Variants in EML6 observed in about 807,000 individuals in gnomAD.
EML6 encodes EMAP like 6.
In EML6, 154 loss-of-function variants were observed where a neutral mutation model predicts 240.1. The ratio of observed to expected loss-of-function variants is 0.64; its 90% CI spans 0.56 to 0.73. The LOEUF (loss-of-function observed/expected upper bound fraction) is 0.73, where lower values mean the gene tolerates loss of function less well. EML6 is among the 30% of genes least tolerant of loss of function. The probability of loss-of-function intolerance (pLI) is 0.00; values close to 1 mark genes in which losing one functional copy is unlikely to be tolerated. For missense variants in EML6, 2,964 were observed against 2,474.6 expected (o/e 1.20, Z -4.20); for synonymous variants, 1,148 against 899.0 (o/e 1.28, Z -4.95).
chr2:54,962,632 T>C lies in EML6; in HGVS notation c.5078T>C (p.Leu1693Pro). 1 of 1,545,636 alleles carries C rather than the reference T, an allele frequency of 6.5e-7. No homozygotes were observed. The highest frequency in any genetic ancestry group is 8.7e-7 in the Non-Finnish European group (1 of 1,144,348). Reference protein sequence around the residue: ...DGHMEGEIWGLATHPSKDLFI... With the variant: ...DGHMEGEIWGPATHPSKDLFI... ...CACATGGAAGGGGAGATCTGGGGCC[T>C]GGCCACTCACCCTTCCAAGGACCTC... Residue 1693 changes from leucine to proline, a missense_variant, in exon 36 of 42, where the codon CTG becomes CCG. Transcript: ENST00000356458.
chr2:54,968,598 C>A, intron 40 of EML6, 70 bp from the exon 41 acceptor site: 1 of 890,918 alleles, frequency 1.1e-6, no homozygotes, highest in South Asian at 1.5e-5. Context: ...GATTTGAGTG[C>A]TGGAAGTAGT....
intron 26 of EML6, among the ~76,000 whole-genome samples, chr2:54,923,641 T>C (rs1475591442): frequency 1.3e-5 from 2 of 152,224 alleles, no homozygotes; most frequent in Non-Finnish European, 1.5e-5. Flanking sequence ...ATTTTTTAAG[T>C]AAAATTTATA....
At chr2:54,797,787 T>C (rs1313422850) in intron 2 of EML6, among the ~76,000 whole-genome samples, 1 of 152,208 alleles carries the variant, frequency 6.6e-6, no homozygotes, top group East Asian at 1.9e-4. Context: ...CTCTACCACT[T>C]ATCAGCCATG....
At chr2:54,948,741 G>A in intron 28 of EML6, 141 bp from the exon 29 acceptor site, 1 of 655,562 alleles carries the variant, frequency 1.5e-6, no homozygotes, top group Non-Finnish European at 2.7e-6. Flanking sequence ...GAGGAGGGCA[G>A]GACTGAACAG....
At chr2:54,906,198 GTTTAT>G (rs1467452405) in intron 24 of EML6, among the ~76,000 whole-genome samples, 3 of 152,162 alleles carry the variant, frequency 2.0e-5, no homozygotes, top group African/African-American at 7.2e-5. Flanking sequence ...TATTTTATGT[GTTTAT>G]TTTGATAATA....
chr2:54,827,079 A>G (rs1396378534), intron 5 of EML6, among the ~76,000 whole-genome samples: 1 of 152,202 alleles, frequency 6.6e-6, no homozygotes, highest in Non-Finnish European at 1.5e-5. Context: ...AGGCTGATAC[A>G]CAAGAATCAC....
rs138971481 is a variant in EML6, at chr2:54,769,167, G to C, written c.197+43909G>C. Among the ~76,000 whole-genome samples the C allele has an allele frequency of 1.8e-4, 27 of 152,314 alleles. No individual in the cohort carries two copies. The East Asian group carries it at 5.0e-3, about 28-fold the overall frequency. On this transcript the variant is annotated intron_variant, in intron 2 of 41. Transcript: ENST00000356458. ...GGCAAAGATTTATATGAGCCAGTCT[G>C]GCTGCAGTGTGCACCTGGTGGGTTG...
chr2:54,905,320 C>T (rs532102155), intron 24 of EML6, among the ~76,000 whole-genome samples: 7 of 89,348 alleles, frequency 7.8e-5, no homozygotes, highest in South Asian at 4.5e-4. Flanking sequence ...ATTTAGAATC[C>T]GACACACACA....
chr2:54,931,253 G>A (rs1469906218), intron 28 of EML6, among the ~76,000 whole-genome samples: 2 of 151,912 alleles, frequency 1.3e-5, no homozygotes, highest in South Asian at 2.1e-4. Context: ...CACCGCGCCC[G>A]GCGACCGTAG....
At chr2:54,766,455 C>T (rs164941) in intron 2 of EML6, among the ~76,000 whole-genome samples, 141,172 of 152,232 alleles carry the variant, frequency 0.93, 65,632 homozygotes, top group East Asian at 1. Context: ...TGTTTTCTTA[C>T]AATTTTGTTT....
At chr2:54,888,474 A>C (rs1267241913) in intron 17 of EML6, among the ~76,000 whole-genome samples, 1 of 152,204 alleles carries the variant, frequency 6.6e-6, no homozygotes, top group Non-Finnish European at 1.5e-5. Flanking sequence ...GGAGAGTTTC[A>C]CTGCCCTAAA....
intron 14 of EML6, chr2:54,868,117 A>C (rs1230177598): frequency 6.6e-6 from 1 of 152,230 alleles, no homozygotes; most frequent in Non-Finnish European, 1.5e-5. Flanking sequence ...TATTGATTAC[A>C]TGTTGATATA....
Position 54,866,761 on chromosome 2 carries a change from T to A in EML6, c.1933-5T>A. On this transcript the variant is annotated splice_region_variant and splice_polypyrimidine_tract_variant and intron_variant, in intron 13 of 41. Coordinates refer to ENST00000356458, the MANE Select transcript of EML6 (RefSeq NM_001039753.4). ...CTCACCCAGATGTTTCTGTTGTACT[T>A]TAAGGTTTACAAAGAAGATCTACCT... 1.3e-6 allele frequency: 2 copies of A among 1,533,164 alleles called. No individual in the cohort carries two copies. The highest frequency in any genetic ancestry group is 1.8e-6 in the Non-Finnish European group (2 of 1,130,676). 95.0% of individuals were successfully genotyped at this position (1,533,164 alleles called of 1,614,324 possible).
chr2:54,928,676 T>G lies in EML6; in HGVS notation c.3929T>G (p.Ile1310Ser). The G allele has an allele frequency of 4.5e-6, 7 of 1,551,922 alleles. No individual in the cohort carries two copies. The highest frequency in any genetic ancestry group is 4.4e-6 in the Non-Finnish European group (5 of 1,147,050). ...AAGGCCATTGACTACACCACCAAGA[T>G]TTATGCTGTGAGCATCAGGGAAATG... ...REKAIDYTTKIYAVSIREMEG... is the reference protein window; with the variant it reads ...REKAIDYTTKSYAVSIREMEG... Residue 1310 changes from isoleucine to serine, a missense_variant, in exon 28 of 42, where the codon ATT (isoleucine) becomes AGT (serine). Physicochemically the swap from Ile to Ser is moderately radical, Grantham distance 142. Coordinates refer to ENST00000356458, the MANE Select transcript of EML6 (RefSeq NM_001039753.4).
At chr2:54,848,990 T>C (rs1669922982) in intron 9 of EML6, among the ~76,000 whole-genome samples, 2 of 152,202 alleles carry the variant, frequency 1.3e-5, no homozygotes, top group Admixed American at 6.5e-5. Flanking sequence ...AAAAAGATGA[T>C]TTATTTATGT....
intron 2 of EML6, among the ~76,000 whole-genome samples, chr2:54,777,670 T>G (rs1234566726): frequency 6.6e-6 from 1 of 152,108 alleles, no homozygotes; most frequent in Non-Finnish European, 1.5e-5. Flanking sequence ...ACTGGAATCT[T>G]TTTCTCACCC....
chr2:54,906,154 A>G lies in EML6; in HGVS notation c.3409+2652A>G, dbSNP rs114463653. 8.4e-3 allele frequency among the ~76,000 whole-genome samples: 1,284 copies of G among 152,348 alleles called. 25 individuals are homozygous for G. Among genetic ancestry groups the G allele is most frequent in the African/African-American group, 0.029 (1,194 of 41,578 alleles). ...TTTATATTCCCACCAGTTGTACACA[A>G]GGGTTCAAATCTCTCCACATCTTTG... On this transcript the variant is annotated intron_variant, in intron 24 of 41. Transcript: ENST00000356458.
chr2:54,956,827 A>G (rs1269585250), intron 32 of EML6, among the ~76,000 whole-genome samples: 1 of 152,242 alleles, frequency 6.6e-6, no homozygotes, highest in Non-Finnish European at 1.5e-5. Context: ...AATCGGAACA[A>G]AAACATTCAG....
chr2:54,879,328 AC>A (rs1397085881), intron 16 of EML6, among the ~76,000 whole-genome samples: 1 of 152,154 alleles, frequency 6.6e-6, no homozygotes, highest in Non-Finnish European at 1.5e-5. Flanking sequence ...AGTATATGAT[AC>A]CCCTTATGTA....
Sources: allele counts gnomAD v4.1 joint callset (sites outside exome capture counted in the v4.1 genomes callset), GRCh38; gene constraint gnomAD v4.1.1; transcripts MANE v1.5; gene names NCBI Gene and HGNC (gene_info 2026-07-23, HGNC 2026-07-21).